CCDC149: variants seen among roughly 807,000 people sequenced by gnomAD.
CCDC149 encodes coiled-coil domain-containing protein 149.
In CCDC149, 45 loss-of-function variants were observed where a neutral mutation model predicts 59.9. That is an observed-to-expected ratio of 0.75 (90% CI 0.59 to 0.96). The LOEUF is 0.96. CCDC149 is among the 40% of genes least tolerant of loss of function. The probability of loss-of-function intolerance (pLI) is 0.00; values close to 1 mark genes in which losing one functional copy is unlikely to be tolerated. For synonymous variants in CCDC149, 245 were observed against 260.6 expected (o/e 0.94, Z 0.58); for missense variants, 584 against 664.7 (o/e 0.88, Z 1.33).
At chr4:24,910,682 T>C (rs1025812535) in intron 1 of CCDC149, among the ~76,000 whole-genome samples, 2 of 152,112 alleles carry the variant, frequency 1.3e-5, no homozygotes, top group African/African-American at 4.8e-5. Flanking sequence ...ATGATTAAAA[T>C]AGCAAGTGTG....
chr4:24,874,244 GTT>G (rs5856868), intron 2 of CCDC149, among the ~76,000 whole-genome samples: 1,810 of 87,198 alleles, frequency 0.021, 100 homozygotes, highest in East Asian at 0.16. Context: ...TATTAGATTT[GTT>G]TTTTTTTTTT....
intron 1 of CCDC149, among the ~76,000 whole-genome samples, chr4:24,895,329 GC>G (rs1295628826): frequency 2.0e-5 from 3 of 152,142 alleles, no homozygotes; most frequent in African/African-American, 7.2e-5. Context: ...TAAAATGTGT[GC>G]CTCTGCTGTC....
intron 6 of CCDC149, among the ~76,000 whole-genome samples, chr4:24,836,786 C>T (rs568172042): frequency 1.9e-4 from 29 of 152,296 alleles, no homozygotes; most frequent in Admixed American, 2.0e-4. Context: ...TCACATAATT[C>T]TCATTAAGAT....
chr4:24,880,680 G>C (rs1462264326), intron 1 of CCDC149, among the ~76,000 whole-genome samples: 1 of 152,132 alleles, frequency 6.6e-6, no homozygotes, highest in African/African-American at 2.4e-5. Context: ...ATAAGGCTGG[G>C]GCATTAGAAG....
chr4:24,954,010 A>G (rs1723390209), intron 1 of CCDC149, among the ~76,000 whole-genome samples: 1 of 151,902 alleles, frequency 6.6e-6, no homozygotes, highest in African/African-American at 2.4e-5. Context: ...AAGAAAAAAG[A>G]TGGAAAAAAA....
rs541880092 is a variant in CCDC149, at chr4:24,891,197, C to T, written c.64-14500G>A. ...AAGAACTGTCAGTTTAGAACTCAGC[C>T]CCCCCAGCAAAAAGTCAGGCGGAGA... is the stretch of plus-strand genomic sequence containing the variant. On this transcript the variant is annotated intron_variant, in intron 1 of 12. Coordinates refer to ENST00000635206, the MANE Select transcript of CCDC149 (RefSeq NM_001330643.2). 2.8e-4 allele frequency among the ~76,000 whole-genome samples: 43 copies of T among 151,922 alleles called. No homozygotes were observed. The Middle Eastern group carries it at 0.014, about 48-fold the overall frequency.
chr4:24,874,272 TTTG>T (rs1553854344), intron 2 of CCDC149, among the ~76,000 whole-genome samples: 1,181 of 46,634 alleles, frequency 0.025, 72 homozygotes, highest in South Asian at 0.052. Context: ...TTTGTTTTTT[TTTG>T]TTTTTTTGCC....
intron 3 of CCDC149, among the ~76,000 whole-genome samples, chr4:24,861,187 C>CA (rs912507813): frequency 2.0e-5 from 3 of 151,916 alleles, no homozygotes; most frequent in African/African-American, 7.3e-5. Context: ...GCACAATTCA[C>CA]AATTGCAAAA....
intron 1 of CCDC149, chr4:24,895,011 G>C (rs140961833): frequency 6.5e-7 from 1 of 1,536,256 alleles, no homozygotes; most frequent in Non-Finnish European, 8.7e-7. Context: ...CCAAGTGGCC[G>C]CTCTGGCGAT....
chr4:24,880,837 A>T (rs1470256177), intron 1 of CCDC149, among the ~76,000 whole-genome samples: 2 of 152,224 alleles, frequency 1.3e-5, no homozygotes, highest in Non-Finnish European at 2.9e-5. Context: ...GCCATAATAC[A>T]AAAGGACCAA....
intron 3 of CCDC149, among the ~76,000 whole-genome samples, chr4:24,871,279 T>TA (rs1560228519): frequency 1.3e-5 from 2 of 152,110 alleles, no homozygotes; most frequent in South Asian, 4.1e-4. Context: ...TTCACCAGCA[T>TA]AAAAAAGTCT....
upstream of CCDC149, among the ~76,000 whole-genome samples, chr4:24,913,529 G>A (rs1722022393): frequency 6.6e-6 from 1 of 152,136 alleles, no homozygotes; most frequent in Non-Finnish European, 1.5e-5. Context: ...ATTTTTTAAC[G>A]TATCATTTGT....
intron 1 of CCDC149, among the ~76,000 whole-genome samples, chr4:24,947,916 T>C (rs372381737): frequency 5.5e-4 from 84 of 152,280 alleles, no homozygotes; most frequent in African/African-American, 1.8e-3. Context: ...GAGAGGATTT[T>C]ATATAGCTAC....
chr4:24,869,925 C>T (rs905010085), intron 3 of CCDC149, among the ~76,000 whole-genome samples: 5 of 152,194 alleles, frequency 3.3e-5, no homozygotes, highest in East Asian at 3.8e-4. Context: ...CCCCCTGGTG[C>T]GTGCTATTAG....
At chr4:24,974,267 G>T (rs1295679251) in intron 1 of CCDC149, among the ~76,000 whole-genome samples, 1 of 152,178 alleles carries the variant, frequency 6.6e-6, no homozygotes, top group Non-Finnish European at 1.5e-5. Flanking sequence ...CATCAGTTCC[G>T]CATCCCGCAC....
intron 12 of CCDC149, among the ~76,000 whole-genome samples, chr4:24,817,986 T>C (rs1204727518): frequency 6.6e-6 from 1 of 152,064 alleles, no homozygotes; most frequent in Non-Finnish European, 1.5e-5. Context: ...GGCACAAATG[T>C]GATGAAACGG....
chr4:24,895,033 T>C (rs1175142789), intron 1 of CCDC149: 7 of 1,517,472 alleles, frequency 4.6e-6, no homozygotes, highest in Non-Finnish European at 5.3e-6. Context: ...ATGATGATGA[T>C]GACGACGACG....
chr4:24,935,790 A>G (rs1560261871), intron 1 of CCDC149, among the ~76,000 whole-genome samples: 1 of 152,214 alleles, frequency 6.6e-6, no homozygotes, highest in Non-Finnish European at 1.5e-5. Flanking sequence ...CAATGAATAT[A>G]TGAGTCTAAA....
upstream of CCDC149, among the ~76,000 whole-genome samples, chr4:24,913,865 A>G (rs115477590): frequency 3.9e-3 from 587 of 152,358 alleles, 4 homozygotes; most frequent in African/African-American, 0.014. Flanking sequence ...AAAGAGAATG[A>G]CAGAGGGAAG....
Sources: gnomAD v4.1 joint callset for allele counts (sites outside exome capture counted in the v4.1 genomes callset) on GRCh38, gnomAD v4.1.1 for gene constraint, MANE v1.5 for transcripts, NCBI Gene and HGNC (gene_info 2026-07-23, HGNC 2026-07-21) for gene names.